FNIP1: variants seen among roughly 807,000 people sequenced by gnomAD.
FNIP1 encodes folliculin interacting protein 1.
In FNIP1, 40 loss-of-function variants were observed where a neutral mutation model predicts 124.5. That is an observed-to-expected ratio of 0.32 (90% CI 0.25 to 0.42). FNIP1 has a LOEUF of 0.42. FNIP1 is among the 10% of genes least tolerant of loss of function. FNIP1 has a pLI of 1.00. For missense variants in FNIP1, 1,176 were observed against 1,403.7 expected, an observed-to-expected ratio of 0.84 and a Z score of 2.59; for synonymous variants, 472 against 470.6, an observed-to-expected ratio of 1.00 and a Z score of -0.04.
intron 1 of FNIP1, among the ~76,000 whole-genome samples, chr5:131,782,188 C>A (rs1772017353): frequency 1.3e-5 from 2 of 151,996 alleles, no homozygotes; most frequent in African/African-American, 4.8e-5. Context: ...AAAAGAAATA[C>A]ATTCTGTAAG....
rs3822309 is a variant in FNIP1, at chr5:131,795,288, A to G, written c.92+1542T>C. Among the ~76,000 whole-genome samples the G allele has an allele frequency of 2.6e-5, 4 of 152,350 alleles. No individual in the cohort carries two copies. In the East Asian group the frequency reaches 5.8e-4, roughly 22 times the overall value. On this transcript the variant is annotated intron_variant, in intron 1 of 17. Coordinates refer to ENST00000510461, the MANE Select transcript of FNIP1 (RefSeq NM_133372.3). Reference sequence around the variant, plus strand: ...AGATTGCTGTGAAACATCAAATAAGATAACTGATGAGAAAGTTCTTTGGTA... The same window carrying G: ...AGATTGCTGTGAAACATCAAATAAGGTAACTGATGAGAAAGTTCTTTGGTA...
At chr5:131,712,433 G>A (rs1165815957) in intron 6 of FNIP1, among the ~76,000 whole-genome samples, 1 of 152,054 alleles carries the variant, frequency 6.6e-6, no homozygotes, top group Non-Finnish European at 1.5e-5. Context: ...CTTTCAGGGG[G>A]TCTGCGAAGT....
In FNIP1 at chr5:131,672,586, G is replaced by A; in HGVS notation, c.1858C>T (p.Gln620Ter). ...TGTTGTGAAATGTTCTCTACATTTTGCCCAAGGAGTGGATGACTGCAATAT... is the reference window on the plus strand; with the variant it reads ...TGTTGTGAAATGTTCTCTACATTTTACCCAAGGAGTGGATGACTGCAATAT... ...CKYCSHPLLGQNVENISQQER... is the reference protein window; with the variant it reads ...CKYCSHPLLG The change falls in exon 14 of 18, where the codon CAA becomes TAA. Residue 620 changes from glutamine (Q) to a stop codon, truncating the protein, a stop_gained. Coordinates refer to ENST00000510461, the MANE Select transcript of FNIP1 (RefSeq NM_133372.3). LOFTEE classifies it high-confidence loss of function. The A allele has an allele frequency of 1.2e-6, 2 of 1,614,090 alleles. No homozygotes were observed. Among genetic ancestry groups the A allele is most frequent in the Non-Finnish European group, 1.7e-6 (2 of 1,180,000 alleles).
chr5:131,729,765 G>C (rs574477895), intron 3 of FNIP1, among the ~76,000 whole-genome samples: 1 of 150,922 alleles, frequency 6.6e-6, no homozygotes, highest in East Asian at 2.0e-4. Context: ...CTTTTTTTGA[G>C]ACAGAGGTTC....
chr5:131,655,874 C>T (rs1050221521), intron 15 of FNIP1, among the ~76,000 whole-genome samples: 9 of 151,636 alleles, frequency 5.9e-5, no homozygotes, highest in South Asian at 2.1e-4. Flanking sequence ...ACCAAGATTG[C>T]GTCACTGCAC....
chr5:131,669,268 C>A (rs1234721048), intron 15 of FNIP1, among the ~76,000 whole-genome samples: 1 of 152,058 alleles, frequency 6.6e-6, no homozygotes, highest in Admixed American at 6.5e-5. Flanking sequence ...TGAGTTCTAC[C>A]AAACGTTTAG....
At chr5:131,664,785 AAGC>A (rs1767545786) in intron 15 of FNIP1, among the ~76,000 whole-genome samples, 1 of 151,574 alleles carries the variant, frequency 6.6e-6, no homozygotes, top group African/African-American at 2.4e-5. Context: ...TATGTAACAA[AAGC>A]AGAATTTAAA....
At chr5:131,692,336 T>C (rs1768509784) in intron 11 of FNIP1, among the ~76,000 whole-genome samples, 1 of 149,688 alleles carries the variant, frequency 6.7e-6, no homozygotes, top group African/African-American at 2.5e-5. Flanking sequence ...AAAACATGTA[T>C]AAATCTGAGA....
chr5:131,747,732 G>A (rs1328737903), intron 1 of FNIP1, among the ~76,000 whole-genome samples: 1 of 152,090 alleles, frequency 6.6e-6, no homozygotes, highest in African/African-American at 2.4e-5. Flanking sequence ...GTGAATAGGA[G>A]CAGAGAAAAC....
intron 17 of FNIP1, among the ~76,000 whole-genome samples, chr5:131,646,734 C>A (rs1766893487): frequency 6.6e-6 from 1 of 152,160 alleles, no homozygotes; most frequent in South Asian, 2.1e-4. Context: ...CATCTACAGA[C>A]TTCTGTTACC....
intron 1 of FNIP1, among the ~76,000 whole-genome samples, chr5:131,745,306 C>G (rs1770640256): frequency 6.6e-6 from 1 of 151,974 alleles, no homozygotes; most frequent in African/African-American, 2.4e-5. Context: ...ATCACTTGAG[C>G]CCAGGAGTTC....
intron 6 of FNIP1, among the ~76,000 whole-genome samples, chr5:131,713,277 G>A (rs1358241219): frequency 1.3e-5 from 2 of 151,950 alleles, no homozygotes; most frequent in East Asian, 3.9e-4. Flanking sequence ...CAATCTCCCG[G>A]CCTCGTGATC....
intron 1 of FNIP1, 64 bp downstream of exon 1, chr5:131,796,766 C>A: frequency 6.8e-7 from 1 of 1,459,864 alleles, no homozygotes; most frequent in Non-Finnish European, 9.3e-7. Flanking sequence ...AAGGCCCCAA[C>A]ACCCCTGGAG....
At chr5:131,653,357 G>T (rs1695121339) in intron 15 of FNIP1, among the ~76,000 whole-genome samples, 1 of 152,060 alleles carries the variant, frequency 6.6e-6, no homozygotes, top group Non-Finnish European at 1.5e-5. Flanking sequence ...GGCCAATATG[G>T]TGAAACCCCA....
At chr5:131,711,857 C>T (rs968998585) in intron 6 of FNIP1, among the ~76,000 whole-genome samples, 4 of 152,190 alleles carry the variant, frequency 2.6e-5, no homozygotes, top group African/African-American at 9.7e-5. Flanking sequence ...TCTATAATTA[C>T]AGCACATGTA....
intron 1 of FNIP1, among the ~76,000 whole-genome samples, chr5:131,775,118 A>G (rs1771759387): frequency 6.6e-6 from 1 of 152,250 alleles, no homozygotes; most frequent in Non-Finnish European, 1.5e-5. Flanking sequence ...TGATCAAAGA[A>G]GGATTCTAAT....
intron 1 of FNIP1, among the ~76,000 whole-genome samples, chr5:131,789,925 C>A (rs994583538): frequency 6.6e-6 from 1 of 152,222 alleles, no homozygotes; most frequent in Non-Finnish European, 1.5e-5. Flanking sequence ...TAACCATACA[C>A]ACAAACTCAT....
intron 3 of FNIP1, among the ~76,000 whole-genome samples, chr5:131,721,777 G>A (rs761937118): frequency 2.6e-5 from 4 of 152,160 alleles, no homozygotes; most frequent in Admixed American, 6.6e-5. Context: ...CAGCCTGGGC[G>A]ACAGAGCAAG....
At chr5:131,774,590 T>C (rs1412419788) in intron 1 of FNIP1, among the ~76,000 whole-genome samples, 1 of 152,164 alleles carries the variant, frequency 6.6e-6, no homozygotes, top group East Asian at 1.9e-4. Context: ...GGCTAACTAA[T>C]AAAGGTAACC....
Sources: allele counts gnomAD v4.1 joint callset (sites outside exome capture counted in the v4.1 genomes callset), GRCh38; gene constraint gnomAD v4.1.1; transcripts MANE v1.5; gene names NCBI Gene and HGNC (gene_info 2026-07-23, HGNC 2026-07-21).